The following PKD1L3 variants were observed in gnomAD, a reference collection of about 807,000 sequenced individuals.
PKD1L3 encodes polycystin-1-like protein 3.
A neutral mutation model predicts 184.1 loss-of-function variants in PKD1L3; 239 were observed. The ratio of observed to expected loss-of-function variants is 1.30; its 90% CI spans 1.17 to 1.45. The LOEUF is 1.45. Ranked by LOEUF, PKD1L3 falls within the 40% of genes most tolerant of loss-of-function variation. The pLI is 0.00. For missense variants in PKD1L3, 2,660 were observed against 2,067.2 expected (o/e 1.29, Z -5.56); for synonymous variants, 996 against 778.8 (o/e 1.28, Z -4.64).
At chr16:71,994,375 G>C (rs1217776356) in intron 2 of PKD1L3, among the ~76,000 whole-genome samples, 2 of 152,074 alleles carry the variant, frequency 1.3e-5, no homozygotes, top group Non-Finnish European at 2.9e-5. Flanking sequence ...AAGCAATTTA[G>C]AGTCCTTCCA....
At chr16:71,958,772 C>T (rs2039150488) in intron 16 of PKD1L3, among the ~76,000 whole-genome samples, 2 of 101,986 alleles carry the variant, frequency 2.0e-5, no homozygotes, top group African/African-American at 4.2e-5. Context: ...TAGAGCAAGA[C>T]TCTATCTCAA....
At chr16:71,951,454 C>A in intron 19 of PKD1L3, 110 bp downstream of exon 19, 1 of 1,149,716 alleles carries the variant, frequency 8.7e-7, no homozygotes, top group Non-Finnish European at 1.2e-6. Context: ...ATTAAAACAA[C>A]CAGAAGGTTG....
In PKD1L3 at chr16:71,954,102, T is replaced by C. The variant is rs1438421607; in HGVS notation, c.2809+3A>G. 2.6e-6 allele frequency: 4 copies of C among 1,529,728 alleles called. No homozygotes were observed. Among genetic ancestry groups the C allele is most frequent in the East Asian group, 2.5e-5 (1 of 40,014 alleles). The allele number at this position is 1,529,728 out of a possible 1,614,324, so 94.8% of individuals were successfully genotyped here. A position where few individuals can be genotyped will look rare whatever the true frequency, so the allele number is the denominator to read the frequency against. Reference sequence around the variant, plus strand: ...AACAACACACATCAGGGCTCATCCATACTTTGCTCATCTCTCTTGGCAGTG... The same window carrying C: ...AACAACACACATCAGGGCTCATCCACACTTTGCTCATCTCTCTTGGCAGTG... On this transcript the variant is annotated splice_donor_region_variant and intron_variant, in intron 17 of 29. Transcript: ENST00000620267.
In PKD1L3 at chr16:71,954,098, T is replaced by A; in HGVS notation, c.2809+7A>T. 1.3e-6 allele frequency: 2 copies of A among 1,525,864 alleles called. No homozygotes were observed. The highest frequency in any genetic ancestry group is 2.5e-5 in the South Asian group (2 of 79,562). The allele number at this position is 1,525,864 out of a possible 1,614,324, so 94.5% of individuals were successfully genotyped here. ...TACAAACAACACACATCAGGGCTCA[T>A]CCATACTTTGCTCATCTCTCTTGGC... On this transcript the variant is annotated splice_region_variant and intron_variant, in intron 17 of 29. Transcript: ENST00000620267.
chr16:71,978,296 G>GATTAGCGC lies in PKD1L3; in HGVS notation c.1478_1485dup (p.Arg496AlafsTer12). On this transcript the variant is annotated frameshift_variant, in exon 10 of 30. Transcript: ENST00000620267. LOFTEE classifies it high-confidence loss of function. ...AAATCATGGACTTGGAGCAATTTAC[G>GATTAGCGC]ATTAGCGCTTAGTAACACACTTCCA... 1 of 1,550,176 alleles carries GATTAGCGC rather than the reference G, an allele frequency of 6.5e-7. No homozygotes were observed. The highest frequency in any genetic ancestry group is 1.2e-5 in the South Asian group (1 of 83,998).
Position 71,942,825 on chromosome 16 carries a change from G to A in PKD1L3, c.4059C>T (p.Val1353=), listed in dbSNP as rs1173681862. The change falls in exon 24 of 30, where the codon GTC becomes GTT. Residue 1353 remains valine (V), a synonymous_variant. Transcript: ENST00000620267. ...LYGDYRGKNA[V]LEPSHCKCGV... ...CACATTTGCAATGACTGGGCTCCAG[G>A]ACTGCATTCTTACCTCTGTAATCCC... The A allele has an allele frequency of 1.3e-6, 2 of 1,551,604 alleles. No individual in the cohort carries two copies. Among genetic ancestry groups the A allele is most frequent in the Admixed American group, 2.0e-5 (1 of 50,990 alleles).
intron 16 of PKD1L3, among the ~76,000 whole-genome samples, chr16:71,959,147 C>T (rs1048814523): frequency 6.6e-6 from 1 of 151,508 alleles, no homozygotes; most frequent in Non-Finnish European, 1.5e-5. Context: ...CACGGTGGCC[C>T]TCACCTGTAA....
At chr16:71,970,184 T>C (rs941990013) in intron 12 of PKD1L3, 79 bp from the exon 13 acceptor site, 1 of 1,110,352 alleles carries the variant, frequency 9.0e-7, no homozygotes, top group Non-Finnish European at 1.3e-6. Context: ...ACACCAGCAA[T>C]TTAGAGATGG....
intron 4 of PKD1L3, 125 bp downstream of exon 4, chr16:71,990,155 A>C (rs1194649973): frequency 8.3e-6 from 6 of 723,708 alleles, no homozygotes; most frequent in Admixed American, 4.1e-5. Flanking sequence ...GCACGTAAGT[A>C]CTTTATTTTC....
intron 24 of PKD1L3, among the ~76,000 whole-genome samples, chr16:71,939,139 C>T (rs2038277108): frequency 6.6e-6 from 1 of 152,252 alleles, no homozygotes; most frequent in African/African-American, 2.4e-5. Context: ...AAACCACATG[C>T]AGTACATCTG....
chr16:71,984,267 T>C, intron 5 of PKD1L3, 100 bp from the exon 6 acceptor site: 1 of 1,213,570 alleles, frequency 8.2e-7, no homozygotes, highest in Non-Finnish European at 1.1e-6. Flanking sequence ...TGGGTAACTT[T>C]ATAAACCCTA....
chr16:71,963,433 G>A (rs947052133), intron 15 of PKD1L3, 82 bp from the exon 16 acceptor site: 6 of 1,346,564 alleles, frequency 4.5e-6, no homozygotes, highest in African/African-American at 4.4e-5. Context: ...CAGACCATTA[G>A]TAAACTGTCC....
chr16:71,962,256 T>G (rs2039310203), intron 16 of PKD1L3, among the ~76,000 whole-genome samples: 1 of 152,038 alleles, frequency 6.6e-6, no homozygotes, highest in South Asian at 2.1e-4. Flanking sequence ...TGCAATCATC[T>G]TGTTCCCATG....
Position 71,986,206 on chromosome 16 carries a change from A to G in PKD1L3, c.834+15T>C, listed in dbSNP as rs527428724. Reference sequence around the variant, plus strand: ...GGTCACAAAGCTACCTGTGACTTGAATTTCCCATGTTTACCTGACCAGATG... The same window carrying G: ...GGTCACAAAGCTACCTGTGACTTGAGTTTCCCATGTTTACCTGACCAGATG... On this transcript the variant is annotated intron_variant, in intron 5 of 29. Coordinates refer to ENST00000620267, the MANE Select transcript of PKD1L3 (RefSeq NM_181536.2). 5 of 1,550,640 alleles carry G rather than the reference A, an allele frequency of 3.2e-6. No homozygotes were observed. In the Admixed American group the frequency reaches 9.8e-5, roughly 30 times the overall value.
At chr16:71,977,563 T>A in intron 10 of PKD1L3, 96 bp from the exon 11 acceptor site, 2 of 323,472 alleles carry the variant, frequency 6.2e-6, no homozygotes, top group Non-Finnish European at 9.1e-6. Context: ...CCTAGCTCTT[T>A]TTTTTTTTTT....
chr16:71,970,998 T>C (rs1342934527), intron 12 of PKD1L3, among the ~76,000 whole-genome samples: 1 of 152,200 alleles, frequency 6.6e-6, no homozygotes, highest in East Asian at 1.9e-4. Context: ...CTCTCCAGAA[T>C]GTCAGTTCAT....
At chr16:71,981,748 C>T (rs760220230) in intron 7 of PKD1L3, among the ~76,000 whole-genome samples, 1 of 151,978 alleles carries the variant, frequency 6.6e-6, no homozygotes, top group Non-Finnish European at 1.5e-5. Flanking sequence ...GCCATGTGGG[C>T]CAGGCTGGTC....
At position 71,929,550 on chromosome 16, in the gene PKD1L3, A is replaced by G; in HGVS notation, c.5187T>C (p.Asp1729=). 2 of 1,550,874 alleles carry G rather than the reference A, an allele frequency of 1.3e-6. No homozygotes were observed. Among genetic ancestry groups the G allele is most frequent in the South Asian group, 2.4e-5 (2 of 83,798 alleles). The change falls in exon 30 of 30, where the codon GAT becomes GAC. Residue 1729 remains aspartate, a synonymous_variant. Coordinates refer to ENST00000620267, the MANE Select transcript of PKD1L3 (RefSeq NM_181536.2). ...TAVGSDTEVL[D]ELP is the part of the protein sequence containing the mutation. ...GGAGATAACAGGATTAAGGTAGTTC[A>G]TCTAAAACTTCAGTGTCACTGCCCA... is the stretch of plus-strand genomic sequence containing the variant.
At chr16:71,997,258 A>G (rs1470846576) in intron 2 of PKD1L3, among the ~76,000 whole-genome samples, 1 of 152,024 alleles carries the variant, frequency 6.6e-6, no homozygotes, top group East Asian at 1.9e-4. Flanking sequence ...AATGCCCAGC[A>G]ATTGCTCAGT....
Sources: allele counts gnomAD v4.1 joint callset (sites outside exome capture counted in the v4.1 genomes callset), GRCh38; gene constraint gnomAD v4.1.1; transcripts MANE v1.5; gene names NCBI Gene and HGNC (gene_info 2026-07-23, HGNC 2026-07-21).